F5: variants seen among roughly 807,000 people sequenced by gnomAD.
F5 encodes the protein activated protein c cofactor.
A neutral mutation model predicts 216.4 loss-of-function variants in F5; 138 were observed. The ratio of observed to expected loss-of-function variants is 0.64; its 90% CI spans 0.56 to 0.73. The LOEUF (loss-of-function observed/expected upper bound fraction) is 0.73, where lower values mean the gene tolerates loss of function less well. Among genes scored for constraint, F5 ranks in the 30% least tolerant of loss-of-function variants. The probability of loss-of-function intolerance (pLI) is 0.00; values close to 1 mark genes in which losing one functional copy is unlikely to be tolerated. For synonymous variants in F5, 916 were observed against 930.7 expected (o/e 0.98, Z 0.29); for missense variants, 2,403 against 2,674.0 (o/e 0.90, Z 2.24).
At chr1:169,550,295 C>CG (rs1660135588) in intron 9 of F5, among the ~76,000 whole-genome samples, 1 of 136,004 alleles carries the variant, frequency 7.4e-6, no homozygotes, top group Non-Finnish European at 1.6e-5. Flanking sequence ...CCCACCCCCC[C>CG]CCCCCGACAG....
At chr1:169,529,911 A>G (rs1187068407) in intron 15 of F5, 93 bp from the exon 16 acceptor site, 2 of 988,762 alleles carry the variant, frequency 2.0e-6, no homozygotes, top group Non-Finnish European at 3.2e-6. Context: ...AAACTTTCTG[A>G]TAGGCTCTGA....
intron 13 of F5, among the ~76,000 whole-genome samples, chr1:169,537,291 T>C (rs770276077): frequency 2.0e-5 from 3 of 152,126 alleles, no homozygotes; most frequent in Non-Finnish European, 4.4e-5. Context: ...CAGGTGACAA[T>C]GGTCAGATTA....
At chr1:169,530,121 T>G (rs1197423024) in intron 15 of F5, among the ~76,000 whole-genome samples, 1 of 152,206 alleles carries the variant, frequency 6.6e-6, no homozygotes, top group Non-Finnish European at 1.5e-5. Context: ...AATCTCCCAT[T>G]TAATCCTGAC....
chr1:169,556,994 C>T, intron 5 of F5, 127 bp from the exon 6 acceptor site: 1 of 822,360 alleles, frequency 1.2e-6, no homozygotes, highest in South Asian at 1.5e-5. Flanking sequence ...TTTGAGGGAA[C>T]AGACACTCCA....
At chr1:169,568,944 A>G (rs1176753379) in intron 3 of F5, among the ~76,000 whole-genome samples, 1 of 152,100 alleles carries the variant, frequency 6.6e-6, no homozygotes. Flanking sequence ...ATGCTTCACT[A>G]CATTCAAAGA....
chr1:169,542,782 CTG>C lies in F5; in HGVS notation c.2306_2307del (p.Thr769ArgfsTer13). The C allele has an allele frequency of 6.2e-7, 1 of 1,614,080 alleles. No homozygotes were observed. Among genetic ancestry groups the C allele is most frequent in the South Asian group, 1.1e-5 (1 of 91,080 alleles). Reference sequence around the variant, plus strand: ...GAATAATTTGAACCAACAATTATATCTGTGTTTGAAGAAACGAATTCAGTGCC... The same window carrying C: ...GAATAATTTGAACCAACAATTATATCTGTTTGAAGAAACGAATTCAGTGCC... ...ENGTEFVSSN[T>X]DIIVGSNYSS... is the part of the protein sequence containing the mutation. On this transcript the variant is annotated frameshift_variant, in exon 13 of 25. Transcript: ENST00000367797. LOFTEE classifies it high-confidence loss of function.
At chr1:169,571,268 T>G (rs1571598029) in intron 3 of F5, among the ~76,000 whole-genome samples, 2 of 152,114 alleles carry the variant, frequency 1.3e-5, no homozygotes, top group African/African-American at 4.8e-5. Context: ...ACTATTATCT[T>G]TATGATTATT....
At chr1:169,546,294 ATTTCAT>A (rs1298455612) in intron 11 of F5, 142 bp downstream of exon 11, 1 of 966,604 alleles carries the variant, frequency 1.0e-6, no homozygotes, top group Non-Finnish European at 1.6e-6. Context: ...TCACCCACGG[ATTTCAT>A]CACCAAGTCT....
At chr1:169,570,258 A>G (rs931346770) in intron 3 of F5, among the ~76,000 whole-genome samples, 2 of 152,126 alleles carry the variant, frequency 1.3e-5, no homozygotes, top group African/African-American at 2.4e-5. Context: ...TAGTGTTGCA[A>G]GGTTCATTCA....
At chr1:169,552,176 T>G (rs1041096157) in intron 8 of F5, among the ~76,000 whole-genome samples, 2 of 152,216 alleles carry the variant, frequency 1.3e-5, no homozygotes, top group African/African-American at 4.8e-5. Flanking sequence ...GGTGCTTTCT[T>G]TTTGTAGATG....
chr1:169,514,672 A>G (rs1258897589), intron 24 of F5, among the ~76,000 whole-genome samples: 1 of 152,024 alleles, frequency 6.6e-6, no homozygotes, highest in Non-Finnish European at 1.5e-5. Context: ...ATCATGCCCA[A>G]CCCAGAAAAT....
intron 23 of F5, among the ~76,000 whole-genome samples, chr1:169,517,307 C>T (rs1659181977): frequency 6.6e-6 from 1 of 152,146 alleles, no homozygotes; most frequent in African/African-American, 2.4e-5. Context: ...CTCCTTGCTA[C>T]TGTAACATTC....
chr1:169,563,788 C>G (rs1274107556), intron 3 of F5, among the ~76,000 whole-genome samples: 1 of 151,710 alleles, frequency 6.6e-6, no homozygotes, highest in Non-Finnish European at 1.5e-5. Flanking sequence ...CTTTTCTCTG[C>G]TTTCTGGAAC....
chr1:169,548,736 G>A (rs1462910368), intron 10 of F5, among the ~76,000 whole-genome samples: 1 of 151,894 alleles, frequency 6.6e-6, no homozygotes, highest in Non-Finnish European at 1.5e-5. Context: ...GGGGGTGGTG[G>A]CGGGCGCCTG....
chr1:169,530,995 G>A lies in F5; in HGVS notation c.4999C>T (p.Pro1667Ser). Residue 1667 changes from proline (P) to serine (S), a missense_variant, in exon 15 of 25, where the codon CCG (proline) becomes TCG (serine). Transcript: ENST00000367797. ...AGTCCATGGGCATGTAGAGAATACGGTCTGGATGCTAAATTTTTAAAACGA... is the reference window on the plus strand; with the variant it reads ...AGTCCATGGGCATGTAGAGAATACGATCTGGATGCTAAATTTTTAAAACGA... ...QVRFKNLASRPYSLHAHGLSY... is the reference protein window; with the variant it reads ...QVRFKNLASRSYSLHAHGLSY... 6.2e-7 allele frequency: 1 copy of A among 1,613,286 alleles called. No homozygotes were observed.
At position 169,582,515 on chromosome 1, in the gene F5, G is replaced by T; in HGVS notation, c.166C>A (p.Leu56Ile). The change falls in exon 2 of 25, where the codon CTT becomes ATT. Residue 56 changes from leucine to isoleucine, a missense_variant. Physicochemically the swap from Leu to Ile is conservative, Grantham distance 5. Coordinates refer to ENST00000367797, the MANE Select transcript of F5 (RefSeq NM_000130.5). ...ATTTTCTTAAAGGAAGTTACAGAAA[G>T]ATTCAAACTGGAAATAAAATACAAA... ...RPEPTNSSLN[L>I]SVTSFKKIVY... 2 of 1,514,050 alleles carry T rather than the reference G, an allele frequency of 1.3e-6. No homozygotes were observed. The highest frequency in any genetic ancestry group is 1.8e-6 in the Non-Finnish European group (2 of 1,094,392). The allele number at this position is 1,514,050 out of a possible 1,614,324, so 93.8% of individuals were successfully genotyped here.
At chr1:169,565,696 T>C (rs1010591162) in intron 3 of F5, among the ~76,000 whole-genome samples, 1 of 152,102 alleles carries the variant, frequency 6.6e-6, no homozygotes, top group Non-Finnish European at 1.5e-5. Flanking sequence ...ATCTGGATCT[T>C]AGCTGCCCTT....
intron 3 of F5, among the ~76,000 whole-genome samples, chr1:169,567,823 T>C (rs1660642900): frequency 6.6e-6 from 1 of 152,108 alleles, no homozygotes; most frequent in Non-Finnish European, 1.5e-5. Context: ...GGGTACATGT[T>C]GGTGCCCTAA....
intron 2 of F5, among the ~76,000 whole-genome samples, chr1:169,575,983 A>T (rs990138694): frequency 6.6e-6 from 1 of 152,042 alleles, no homozygotes. Context: ...GGAGAATCTG[A>T]GTTAGGAAGA....
Sources: allele counts gnomAD v4.1 joint callset (sites outside exome capture counted in the v4.1 genomes callset), GRCh38; gene constraint gnomAD v4.1.1; transcripts MANE v1.5; gene names NCBI Gene and HGNC (gene_info 2026-07-23, HGNC 2026-07-21).